Variants in HECW1 observed in about 807,000 individuals in gnomAD.
HECW1 encodes HECT, C2 and WW domain containing E3 ubiquitin protein ligase 1.
In HECW1, 61 loss-of-function variants were observed where a neutral mutation model predicts 182.3. That is an observed-to-expected ratio of 0.33 (90% confidence interval 0.27 to 0.41). The LOEUF is 0.41. Among genes scored for constraint, HECW1 ranks in the 10% least tolerant of loss-of-function variants. HECW1 has a pLI of 1.00. For missense variants in HECW1, 1,739 were observed against 2,108.9 expected (o/e 0.82, Z 3.44); for synonymous variants, 859 against 832.6 (o/e 1.03, Z -0.55).
At chr7:43,226,372 C>A (rs1476005284) in intron 2 of HECW1, among the ~76,000 whole-genome samples, 1 of 152,098 alleles carries the variant, frequency 6.6e-6, no homozygotes, top group Non-Finnish European at 1.5e-5. Context: ...GAATATCTAC[C>A]CTGCCTCCCC....
chr7:43,328,765 G>A (rs1417230986), intron 5 of HECW1, among the ~76,000 whole-genome samples: 3 of 152,142 alleles, frequency 2.0e-5, no homozygotes, highest in South Asian at 4.1e-4. Context: ...CGATGGTGCC[G>A]GCTTCCAGTC....
At chr7:43,523,455 A>G (rs1184616698) in intron 24 of HECW1, among the ~76,000 whole-genome samples, 1 of 152,172 alleles carries the variant, frequency 6.6e-6, no homozygotes, top group Non-Finnish European at 1.5e-5. Context: ...GAGAGCAAAA[A>G]GTGGATGGAA....
intron 3 of HECW1, among the ~76,000 whole-genome samples, chr7:43,276,239 G>A (rs1282548376): frequency 3.3e-5 from 5 of 152,186 alleles, no homozygotes; most frequent in Non-Finnish European, 7.3e-5. Context: ...AGCATAGCCT[G>A]TTCTTTAGAG....
intron 17 of HECW1, among the ~76,000 whole-genome samples, chr7:43,488,187 G>A (rs192970353): frequency 1.6e-3 from 249 of 151,870 alleles, no homozygotes; most frequent in African/African-American, 5.7e-3. Context: ...GTGCATGCCT[G>A]TAATCCCAAC....
intron 2 of HECW1, among the ~76,000 whole-genome samples, chr7:43,219,539 A>C (rs1367386246): frequency 6.6e-6 from 1 of 152,096 alleles, no homozygotes; most frequent in East Asian, 1.9e-4. Flanking sequence ...CTGTCCCTTT[A>C]AAGGGCTTAC....
In HECW1 at chr7:43,450,906, C is replaced by A. The variant is rs759759416; in HGVS notation, c.2477C>A (p.Thr826Lys). Residue 826 changes from threonine to lysine, a missense_variant, in exon 12 of 30, where the codon ACA becomes AAA. By Grantham distance (78) the Thr-to-Lys change is moderately conservative (BLOSUM62 -1). This residue lies in a region of HECW1 where 971 missense variants were observed against 1,029.1 expected (regional missense o/e 0.94). Transcript: ENST00000395891. The part of the protein sequence containing the change: ...SLRPEHHHYP[T>K]IDEPLPPNWE... Reference sequence around the variant, plus strand: ...AGGCCTGAACATCATCACTACCCAACAATCGATGAGCCTCTTCCACCAAGT... The same window carrying A: ...AGGCCTGAACATCATCACTACCCAAAAATCGATGAGCCTCTTCCACCAAGT... 6.2e-7 allele frequency: 1 copy of A among 1,611,644 alleles called. No individual in the cohort carries two copies. Among genetic ancestry groups the A allele is most frequent in the Non-Finnish European group, 8.5e-7 (1 of 1,177,898 alleles).
intron 16 of HECW1, among the ~76,000 whole-genome samples, chr7:43,476,118 G>C (rs930089938): frequency 6.6e-6 from 1 of 152,102 alleles, no homozygotes; most frequent in Non-Finnish European, 1.5e-5. Context: ...AACATGATTT[G>C]CAATTAAAAA....
rs1229886128 is a variant in HECW1, at chr7:43,491,980, CA to C, written c.3235-91del. On this transcript the variant is annotated intron_variant, in intron 17 of 29. Coordinates refer to ENST00000395891, the MANE Select transcript of HECW1 (RefSeq NM_015052.5). ...TTTACTTTTTCAACTTAGGTGACTT[CA>C]AAATCTTTTACCCCTTAGGTTGAAA... The C allele has an allele frequency of 3.4e-6, 3 of 869,792 alleles. No individual in the cohort carries two copies. In the African/African-American group the frequency reaches 5.1e-5, roughly 15 times the overall value. 53.9% of individuals were successfully genotyped at this position (869,792 alleles called of 1,614,324 possible). A position where few individuals can be genotyped will look rare whatever the true frequency, so the allele number is the denominator to read the frequency against.
chr7:43,347,678 A>G (rs1422435355), intron 5 of HECW1, among the ~76,000 whole-genome samples: 1 of 151,806 alleles, frequency 6.6e-6, no homozygotes, highest in East Asian at 1.9e-4. Context: ...GATGGCTTTT[A>G]TTGCACTAAG....
At chr7:43,185,752 A>G (rs1793336755) in intron 2 of HECW1, among the ~76,000 whole-genome samples, 1 of 152,232 alleles carries the variant, frequency 6.6e-6, no homozygotes, top group Non-Finnish European at 1.5e-5. Flanking sequence ...TCAAAAGCAC[A>G]GATGACTGTA....
At chr7:43,555,855 G>A (rs943364997) in intron 29 of HECW1, among the ~76,000 whole-genome samples, 2 of 152,214 alleles carry the variant, frequency 1.3e-5, no homozygotes, top group African/African-American at 4.8e-5. Context: ...CCTAGTGAAT[G>A]TAAGTCTGGC....
chr7:43,142,140 G>T (rs1445351172), intron 2 of HECW1, among the ~76,000 whole-genome samples: 3 of 152,120 alleles, frequency 2.0e-5, no homozygotes, highest in Admixed American at 6.5e-5. Context: ...TGGAGGTGTG[G>T]GATGCCTGTT....
intron 2 of HECW1, among the ~76,000 whole-genome samples, chr7:43,141,392 G>A (rs1008892920): frequency 1.3e-5 from 2 of 152,152 alleles, no homozygotes; most frequent in African/African-American, 4.8e-5. Context: ...CTGCACCTGG[G>A]GCTGAGCCCT....
At chr7:43,482,504 A>G (rs1291040141) in intron 17 of HECW1, among the ~76,000 whole-genome samples, 1 of 152,232 alleles carries the variant, frequency 6.6e-6, no homozygotes, top group Non-Finnish European at 1.5e-5. Context: ...CCAAAAATAC[A>G]TACAGAGTTA....
At chr7:43,410,497 G>A (rs778414008) in intron 8 of HECW1, among the ~76,000 whole-genome samples, 1 of 152,106 alleles carries the variant, frequency 6.6e-6, no homozygotes, top group African/African-American at 2.4e-5. Context: ...GGGGTTGGTG[G>A]TGGAAGGAGA....
chr7:43,240,158 C>G (rs1017913396), intron 2 of HECW1: 1 of 152,240 alleles, frequency 6.6e-6, no homozygotes, highest in African/African-American at 2.4e-5. Context: ...CTGGCTGACA[C>G]GGTGAAACCC....
chr7:43,220,428 G>C (rs901049238), intron 2 of HECW1, among the ~76,000 whole-genome samples: 2 of 152,154 alleles, frequency 1.3e-5, no homozygotes. Context: ...TGGCCATGTG[G>C]CTGACCTCAA....
chr7:43,455,552 C>T (rs1212177972), intron 12 of HECW1, among the ~76,000 whole-genome samples: 2 of 152,208 alleles, frequency 1.3e-5, no homozygotes, highest in Non-Finnish European at 2.9e-5. Flanking sequence ...AGTGTCAGCT[C>T]GCACTGGAGG....
chr7:43,519,675 A>G (rs2080355697), intron 24 of HECW1, among the ~76,000 whole-genome samples: 1 of 151,974 alleles, frequency 6.6e-6, no homozygotes, highest in East Asian at 1.9e-4. Context: ...GGTTAAATGT[A>G]TTACAGCAGA....
Sources: gnomAD v4.1 joint callset for allele counts (sites outside exome capture counted in the v4.1 genomes callset) on GRCh38, gnomAD v4.1.1 for gene constraint, gnomAD v4.1.1 regional missense constraint, MANE v1.5 for transcripts, NCBI Gene and HGNC (gene_info 2026-07-23, HGNC 2026-07-21) for gene names.